Variants in STK3 observed in about 807,000 individuals in gnomAD.
STK3 encodes the protein serine/threonine-protein kinase 3.
A neutral mutation model predicts 58.0 loss-of-function variants in STK3; 41 were observed. The ratio of observed to expected loss-of-function variants is 0.71; its 90% confidence interval spans 0.55 to 0.92. The LOEUF (loss-of-function observed/expected upper bound fraction) is 0.92, where lower values mean the gene tolerates loss of function less well. STK3 is among the 40% of genes least tolerant of loss of function. STK3 has a pLI of 0.00. For missense variants in STK3, 479 were observed against 602.7 expected (o/e 0.79, Z 2.15); for synonymous variants, 170 against 191.0 (o/e 0.89, Z 0.91).
At chr8:98,611,748 C>T (rs375567509) in intron 6 of STK3, among the ~76,000 whole-genome samples, 253 of 152,236 alleles carry the variant, frequency 1.7e-3, no homozygotes, top group African/African-American at 5.8e-3. Flanking sequence ...TCCCTGAACT[C>T]AACCCAAAGA....
downstream of STK3, among the ~76,000 whole-genome samples, chr8:98,450,384 T>C (rs1819145969): frequency 6.6e-6 from 1 of 152,226 alleles, no homozygotes. Flanking sequence ...CTTTGCTAAA[T>C]ATTGTACATG....
chr8:98,636,847 A>T (rs1005542098), intron 6 of STK3, among the ~76,000 whole-genome samples: 1 of 152,146 alleles, frequency 6.6e-6, no homozygotes, highest in Admixed American at 6.5e-5. Context: ...GCTATTACGC[A>T]TCTGACACAG....
intron 2 of STK3, among the ~76,000 whole-genome samples, chr8:98,373,730 T>C (rs1197368455): frequency 6.6e-6 from 1 of 152,180 alleles, no homozygotes; most frequent in Admixed American, 6.5e-5. Flanking sequence ...TATCTGCTTC[T>C]TTTCTTTCCT....
At chr8:98,435,218 C>A (rs906131807) in intron 2 of STK3, among the ~76,000 whole-genome samples, 1 of 152,212 alleles carries the variant, frequency 6.6e-6, no homozygotes, top group Non-Finnish European at 1.5e-5. Flanking sequence ...GCCAGCCAGA[C>A]AGGGCATGGT....
At chr8:98,628,744 G>A (rs1587081031) in intron 6 of STK3, among the ~76,000 whole-genome samples, 2 of 142,400 alleles carry the variant, frequency 1.4e-5, no homozygotes, top group East Asian at 4.1e-4. Context: ...CAAGACAGCA[G>A]TGAGCTATGA....
chr8:98,493,214 T>G (rs866717443), intron 10 of STK3, among the ~76,000 whole-genome samples: 2 of 119,798 alleles, frequency 1.7e-5, no homozygotes, highest in African/African-American at 6.6e-5. Context: ...TCCTGGGCAA[T>G]AGAGCAAGAC....
chr8:98,414,957 T>A (rs1818097464), intron 3 of STK3, among the ~76,000 whole-genome samples: 1 of 152,220 alleles, frequency 6.6e-6, no homozygotes, highest in African/African-American at 2.4e-5. Flanking sequence ...TCTACTATGA[T>A]CTGAATTTGT....
intron 6 of STK3, among the ~76,000 whole-genome samples, chr8:98,699,703 G>T (rs1480262831): frequency 6.6e-6 from 1 of 152,212 alleles, no homozygotes; most frequent in Non-Finnish European, 1.5e-5. Context: ...GAATGCTGCT[G>T]TCTGATCGTT....
intron 4 of STK3, among the ~76,000 whole-genome samples, chr8:98,739,220 G>C: frequency 6.6e-6 from 1 of 152,364 alleles, no homozygotes; most frequent in African/African-American, 2.4e-5. Flanking sequence ...GTCCCTGTCT[G>C]AACAGCTTTG....
chr8:98,860,415 A>G (rs997468727), intron 3 of STK3, among the ~76,000 whole-genome samples: 1 of 152,192 alleles, frequency 6.6e-6, no homozygotes, highest in African/African-American at 2.4e-5. Context: ...GCAAGTGTGA[A>G]GGCCCTAAGG....
intron 3 of STK3, among the ~76,000 whole-genome samples, chr8:98,856,178 G>T (rs1339143432): frequency 7.4e-6 from 1 of 134,948 alleles, no homozygotes; most frequent in Admixed American, 7.4e-5. Flanking sequence ...AAAAAAAAAA[G>T]GCCATGCAGT....
intron 6 of STK3, among the ~76,000 whole-genome samples, chr8:98,693,901 T>C (rs1368520522): frequency 1.3e-5 from 2 of 152,218 alleles, no homozygotes; most frequent in Non-Finnish European, 2.9e-5. Context: ...TTTTTTGGTG[T>C]TGGGTTTTTT....
intron 3 of STK3, among the ~76,000 whole-genome samples, chr8:98,874,583 A>G (rs113742736): frequency 6.6e-6 from 1 of 151,878 alleles, no homozygotes; most frequent in African/African-American, 2.4e-5. Context: ...ATATCTATCT[A>G]TATATAAACA....
chr8:98,525,337 G>C (rs1055220757), intron 10 of STK3, among the ~76,000 whole-genome samples: 3 of 151,818 alleles, frequency 2.0e-5, no homozygotes, highest in Admixed American at 1.3e-4. Flanking sequence ...ACATTATTTG[G>C]GTAATGGTTA....
At chr8:98,738,753 CA>C (rs2131292954) in intron 4 of STK3, among the ~76,000 whole-genome samples, 2 of 152,344 alleles carry the variant, frequency 1.3e-5, no homozygotes, top group South Asian at 4.1e-4. Flanking sequence ...ACAGTGGGTG[CA>C]GCGCACCGTG....
intron 3 of STK3, among the ~76,000 whole-genome samples, chr8:98,422,392 CT>C (rs2131057178): frequency 6.6e-6 from 1 of 152,258 alleles, no homozygotes; most frequent in East Asian, 1.9e-4. Context: ...CCTCCCTCAT[CT>C]CCAGGCCTGC....
At chr8:98,763,292 A>G (rs1042116107) in intron 3 of STK3, among the ~76,000 whole-genome samples, 1 of 152,230 alleles carries the variant, frequency 6.6e-6, no homozygotes, top group Non-Finnish European at 1.5e-5. Flanking sequence ...GGCACTGCAC[A>G]TTCAGCAATA....
At chr8:98,359,166 C>A in the STK3 span, among the ~76,000 whole-genome samples, 1 of 151,970 alleles carries the variant, frequency 6.6e-6, no homozygotes, top group East Asian at 1.9e-4. Flanking sequence ...AATATCTTGA[C>A]TTCAGAGAGC....
chr8:98,461,357 T>C (rs901342180), intron 10 of STK3, among the ~76,000 whole-genome samples: 2 of 152,230 alleles, frequency 1.3e-5, no homozygotes, highest in Non-Finnish European at 2.9e-5. Context: ...TTCTACCCCT[T>C]TGAGTCTATA....
Sources: gnomAD v4.1 joint callset for allele counts (sites outside exome capture counted in the v4.1 genomes callset) on GRCh38, gnomAD v4.1.1 for gene constraint, MANE v1.5 for transcripts, NCBI Gene and HGNC (gene_info 2026-07-23, HGNC 2026-07-21) for gene names.